The following FBN1 variants were observed in gnomAD, a reference collection of about 807,000 sequenced individuals.
FBN1 encodes the protein fibrillin 1.
FBN1 carries 29 observed loss-of-function variants against 365.1 expected under a neutral mutation model. The observed-to-expected ratio is 0.08, with a 90% CI of 0.06 to 0.11. The LOEUF is 0.11. Ranked by LOEUF, FBN1 falls within the 10% of genes least tolerant of loss-of-function variation. The pLI is 1.00. For synonymous variants in FBN1, 1,210 were observed against 1,270.5 expected (o/e 0.95, Z 1.01); for missense variants, 2,476 against 3,703.2 (o/e 0.67, Z 8.60).
chr15:48,513,807 C>A, intron 12 of FBN1, 139 bp from the exon 13 acceptor site: 1 of 969,830 alleles, frequency 1.0e-6, no homozygotes, highest in Non-Finnish European at 1.6e-6. Flanking sequence ...TTTTTTCTTT[C>A]CACTACAATA....
At chr15:48,417,210 A>G (rs1402099771) in intron 63 of FBN1, among the ~76,000 whole-genome samples, 4 of 152,230 alleles carry the variant, frequency 2.6e-5, no homozygotes, top group Non-Finnish European at 5.9e-5. Flanking sequence ...ACATTCATTT[A>G]TAAAGAAAAA....
intron 6 of FBN1, among the ~76,000 whole-genome samples, chr15:48,555,340 G>A (rs1232468801): frequency 1.3e-5 from 2 of 152,206 alleles, no homozygotes; most frequent in Non-Finnish European, 2.9e-5. Context: ...CCCACTCCAC[G>A]TCTATAAACA....
At chr15:48,492,695 A>AAAACTACTTGTAGGC in intron 23 of FBN1, 109 bp from the exon 24 acceptor site, 1 of 955,848 alleles carries the variant, frequency 1.0e-6, no homozygotes, top group Non-Finnish European at 1.6e-6. Flanking sequence ...GTAAGTTCAT[A>AAAACTACTTGTAGGC]AAACTAGTTT....
intron 34 of FBN1, 95 bp from the exon 35 acceptor site, chr15:48,472,771 A>G (rs2043388416): frequency 1.3e-6 from 2 of 1,557,838 alleles, no homozygotes; most frequent in Non-Finnish European, 1.8e-6. Flanking sequence ...ATGTTTTGGC[A>G]TAACTTCAAT....
intron 6 of FBN1, among the ~76,000 whole-genome samples, chr15:48,551,719 G>A (rs1277558851): frequency 1.3e-5 from 2 of 151,994 alleles, no homozygotes; most frequent in Non-Finnish European, 1.5e-5. Context: ...TCCTCTATGC[G>A]TCCATCTGTT....
At chr15:48,609,986 G>T (rs1475561746) in intron 4 of FBN1, among the ~76,000 whole-genome samples, 1 of 152,148 alleles carries the variant, frequency 6.6e-6, no homozygotes, top group Non-Finnish European at 1.5e-5. Context: ...CACACAATAA[G>T]GGGGGTGCAT....
intron 6 of FBN1, among the ~76,000 whole-genome samples, chr15:48,557,950 C>T (rs767669362): frequency 3.3e-5 from 5 of 152,204 alleles, no homozygotes; most frequent in Non-Finnish European, 7.3e-5. Context: ...AAGTAGGCTT[C>T]TCCTATGTGG....
At chr15:48,606,619 A>G (rs1011975321) in intron 4 of FBN1, among the ~76,000 whole-genome samples, 24 of 152,238 alleles carry the variant, frequency 1.6e-4, no homozygotes, top group African/African-American at 5.8e-4. Flanking sequence ...TAAAAGGGTA[A>G]CATCAGCGCT....
At chr15:48,466,108 A>C (rs1186815284) in intron 38 of FBN1, among the ~76,000 whole-genome samples, 1 of 152,106 alleles carries the variant, frequency 6.6e-6, no homozygotes, top group Non-Finnish European at 1.5e-5. Context: ...CTGGTCTTAC[A>C]TGTGTGTGGA....
intron 44 of FBN1, among the ~76,000 whole-genome samples, chr15:48,455,673 G>A (rs908900409): frequency 1.8e-4 from 28 of 152,092 alleles, no homozygotes; most frequent in African/African-American, 6.0e-4. Context: ...GGCTCGGAAG[G>A]GCTATTACCC....
intron 7 of FBN1, among the ~76,000 whole-genome samples, chr15:48,536,841 A>G (rs2044017374): frequency 6.6e-6 from 1 of 152,240 alleles, no homozygotes; most frequent in Admixed American, 6.5e-5. Flanking sequence ...TGCCTCAGAA[A>G]AGCATATCCT....
intron 46 of FBN1, 131 bp from the exon 47 acceptor site, chr15:48,446,953 A>G (rs895922852): frequency 4.0e-5 from 27 of 678,076 alleles, no homozygotes; most frequent in Non-Finnish European, 7.2e-5. Flanking sequence ...TGATGTTGGT[A>G]TCAGCTCCAG....
chr15:48,643,606 AG>A (rs1597651599), intron 2 of FBN1: 1 of 152,222 alleles, frequency 6.6e-6, no homozygotes, highest in East Asian at 1.9e-4. Context: ...TTGGTGACCC[AG>A]AGCTATATAA....
Position 48,624,276 on chromosome 15 carries a change from T to C in FBN1, c.165-11184A>G, listed in dbSNP as rs796515253. On this transcript the variant is annotated intron_variant, in intron 2 of 65. Coordinates refer to ENST00000316623, the MANE Select transcript of FBN1 (RefSeq NM_000138.5). Reference sequence around the variant, plus strand: ...CACTTCATGCTTCTGGAACTCTGGATTAAGCAGCACTAAGAACACTAAGTC... The same window carrying C: ...CACTTCATGCTTCTGGAACTCTGGACTAAGCAGCACTAAGAACACTAAGTC... Among the ~76,000 whole-genome samples, 12 of 152,350 alleles carry C rather than the reference T, an allele frequency of 7.9e-5. 1 individual carries two copies. Among genetic ancestry groups the C allele is most frequent in the African/African-American group, 2.9e-4 (12 of 41,586 alleles).
chr15:48,444,491 C>T (rs757935022), intron 49 of FBN1, 50 bp downstream of exon 49: 1 of 1,609,554 alleles, frequency 6.2e-7, no homozygotes, highest in Non-Finnish European at 8.5e-7. Flanking sequence ...TCTGCTAAGT[C>T]CAGTGGACAC....
At chr15:48,462,190 T>C (rs2043284309) in intron 42 of FBN1, among the ~76,000 whole-genome samples, 2 of 152,158 alleles carry the variant, frequency 1.3e-5, no homozygotes, top group Admixed American at 6.5e-5. Flanking sequence ...GGATTCCCTT[T>C]ATAGAATACC....
intron 6 of FBN1, among the ~76,000 whole-genome samples, chr15:48,567,780 T>A (rs1016595675): frequency 4.6e-5 from 7 of 151,892 alleles, no homozygotes; most frequent in African/African-American, 1.5e-4. Flanking sequence ...GATAAAACTC[T>A]CAACAAAACA....
At chr15:48,457,720 C>A (rs1198064768) in intron 43 of FBN1, among the ~76,000 whole-genome samples, 1 of 152,124 alleles carries the variant, frequency 6.6e-6, no homozygotes, top group Non-Finnish European at 1.5e-5. Context: ...ATGACTGGTA[C>A]ATTTCTCAAG....
intron 7 of FBN1, 56 bp from the exon 8 acceptor site, chr15:48,534,261 C>T: frequency 6.4e-7 from 1 of 1,553,644 alleles, no homozygotes; most frequent in Non-Finnish European, 8.8e-7. Context: ...AAATTCATTG[C>T]AGAATAAAAT....
Sources: gnomAD v4.1 joint callset for allele counts (sites outside exome capture counted in the v4.1 genomes callset) on GRCh38, gnomAD v4.1.1 for gene constraint, MANE v1.5 for transcripts, NCBI Gene and HGNC (gene_info 2026-07-23, HGNC 2026-07-21) for gene names.